DYNC2H1: variants seen among roughly 807,000 people sequenced by gnomAD.
DYNC2H1 encodes dynein cytoplasmic 2 heavy chain 1, also known as cytoplasmic dynein 2 heavy chain 1.
DYNC2H1 carries 410 observed loss-of-function variants against 570.0 expected under a neutral mutation model. That is an observed-to-expected ratio of 0.72 (90% CI 0.66 to 0.78). DYNC2H1 has a LOEUF of 0.78. Among genes scored for constraint, DYNC2H1 ranks in the 30% least tolerant of loss-of-function variants. DYNC2H1 has a pLI of 0.00. For missense variants in DYNC2H1, 4,865 were observed against 5,046.4 expected (o/e 0.96, Z 1.09); for synonymous variants, 1,688 against 1,677.6 (o/e 1.01, Z -0.15).
At chr11:103,246,223 C>G (rs777299456) in intron 65 of DYNC2H1, among the ~76,000 whole-genome samples, 20 of 151,988 alleles carry the variant, frequency 1.3e-4, no homozygotes, top group Non-Finnish European at 2.6e-4. Context: ...AGTGACCTTG[C>G]TAGAATGGAG....
intron 13 of DYNC2H1, among the ~76,000 whole-genome samples, chr11:103,131,495 T>A (rs111484562): frequency 2.6e-5 from 4 of 152,192 alleles, no homozygotes; most frequent in African/African-American, 9.6e-5. Flanking sequence ...TTCACCGTGT[T>A]AGCCAGGATG....
intron 17 of DYNC2H1, among the ~76,000 whole-genome samples, chr11:103,136,531 C>A (rs1859563986): frequency 6.6e-6 from 1 of 152,044 alleles, no homozygotes; most frequent in South Asian, 2.1e-4. Context: ...CAATTTCATC[C>A]ATGTCCCTAC....
Position 103,220,029 on chromosome 11 carries a change from G to A in DYNC2H1, c.8946+1G>A. The A allele has an allele frequency of 7.1e-7, 1 of 1,404,518 alleles. No individual in the cohort carries two copies. The highest frequency in any genetic ancestry group is 1.5e-5 in the African/African-American group (1 of 65,324). The allele number at this position is 1,404,518 out of a possible 1,614,324, so 87.0% of individuals were successfully genotyped here. On this transcript the variant is annotated splice_donor_variant, in intron 56 of 88. Coordinates refer to ENST00000375735, the MANE Select transcript of DYNC2H1 (RefSeq NM_001377.3). LOFTEE classifies it high-confidence loss of function. ...TGATGATGAATTAAAAGAAGTACAAGTAAGTTAAAAAACATTCTAAGATCC... is the reference window on the plus strand; with the variant it reads ...TGATGATGAATTAAAAGAAGTACAAATAAGTTAAAAAACATTCTAAGATCC...
In DYNC2H1 at chr11:103,222,659, A is replaced by T. The variant is rs1357873171; in HGVS notation, c.9232-306A>T. ...TATAGAAGAAAAAGAATTGATGCTC[A>T]AACATTGTTGTGGATGACACATGTA... On this transcript the variant is annotated intron_variant, in intron 58 of 88. Coordinates refer to ENST00000375735, the MANE Select transcript of DYNC2H1 (RefSeq NM_001377.3). Among the ~76,000 whole-genome samples the T allele has an allele frequency of 2.6e-5, 4 of 152,200 alleles. No individual in the cohort carries two copies. In the East Asian group the frequency reaches 7.7e-4, roughly 29 times the overall value.
intron 84 of DYNC2H1, among the ~76,000 whole-genome samples, chr11:103,432,740 A>C (rs1283296510): frequency 6.6e-6 from 1 of 152,144 alleles, no homozygotes; most frequent in African/African-American, 2.4e-5. Flanking sequence ...AATATCAAAC[A>C]GCAAATTCTA....
intron 84 of DYNC2H1, among the ~76,000 whole-genome samples, chr11:103,411,454 G>A (rs957346374): frequency 2.6e-5 from 4 of 151,274 alleles, no homozygotes; most frequent in African/African-American, 9.7e-5. Flanking sequence ...AGGTACTCAT[G>A]ATTAAAATAT....
chr11:103,267,803 T>C (rs140220305), intron 70 of DYNC2H1, among the ~76,000 whole-genome samples: 2 of 152,096 alleles, frequency 1.3e-5, no homozygotes, highest in East Asian at 3.9e-4. Context: ...TTTATATTCA[T>C]AAGTACAAAT....
chr11:103,174,641 T>A, intron 36 of DYNC2H1, among the ~76,000 whole-genome samples: 1 of 152,138 alleles, frequency 6.6e-6, no homozygotes. Context: ...CATGTAGGAT[T>A]TTCTCTTTCT....
At chr11:103,411,301 G>A (rs765889005) in intron 84 of DYNC2H1, among the ~76,000 whole-genome samples, 104 of 152,114 alleles carry the variant, frequency 6.8e-4, no homozygotes, top group Admixed American at 1.8e-3. Flanking sequence ...ATAAGGTAGC[G>A]CTTTCAGAAG....
chr11:103,180,945 T>G (rs1861828447), intron 39 of DYNC2H1, among the ~76,000 whole-genome samples: 1 of 151,552 alleles, frequency 6.6e-6, no homozygotes, highest in Non-Finnish European at 1.5e-5. Context: ...TAATTTGCTA[T>G]GAAACAATGG....
Position 103,436,008 on chromosome 11 carries a change from T to G in DYNC2H1, c.12432T>G (p.Leu4144=), listed in dbSNP as rs1466221473. Residue 4144 remains leucine, a synonymous_variant, in exon 85 of 89, where the codon CTT becomes CTG. Transcript: ENST00000375735. ...ATCCCTTACAATACCTGAGAGGTCT[T>G]GTTGCCCGTGCCCTTGCAATACAGG... ...PEDPLQYLRG[L]VARALAIQNW... is the part of the protein sequence containing the mutation. The G allele has an allele frequency of 6.2e-7, 1 of 1,612,566 alleles. No homozygotes were observed. Among genetic ancestry groups the G allele is most frequent in the South Asian group, 1.1e-5 (1 of 91,028 alleles).
At chr11:103,225,071 G>A (rs891827823) in intron 59 of DYNC2H1, among the ~76,000 whole-genome samples, 4 of 152,038 alleles carry the variant, frequency 2.6e-5, no homozygotes, top group Admixed American at 1.3e-4. Context: ...GTCTATTCAT[G>A]TTCTTAGCCC....
intron 81 of DYNC2H1, among the ~76,000 whole-genome samples, chr11:103,323,414 C>T (rs1207424036): frequency 4.6e-5 from 7 of 152,006 alleles, no homozygotes; most frequent in Middle Eastern, 3.4e-3. Flanking sequence ...TGCTTCTACA[C>T]GTTTACAAGG....
chr11:103,272,808 G>A (rs1234134512), intron 70 of DYNC2H1, among the ~76,000 whole-genome samples: 1 of 151,824 alleles, frequency 6.6e-6, no homozygotes, highest in Non-Finnish European at 1.5e-5. Flanking sequence ...TGGGAGGTGT[G>A]GTTGACTTAA....
rs535649443 is a variant in DYNC2H1 at position 103,135,521 on chromosome 11, A to T, written c.2232A>T (p.Ala744=). The change falls in exon 16 of 89, where the codon GCA becomes GCT. Residue 744 remains alanine (A), a synonymous_variant. Coordinates refer to ENST00000375735, the MANE Select transcript of DYNC2H1 (RefSeq NM_001377.3). ...AQGFQASDMH[A]WKQHWNHQLY... ...GATTCCAAGCAAGTGACATGCATGC[A>T]TGGAAACAACACTGGAATCATCAAC... 1 of 1,581,938 alleles carries T rather than the reference A, an allele frequency of 6.3e-7. No homozygotes were observed. The highest frequency in any genetic ancestry group is 2.3e-5 in the East Asian group (1 of 44,426).
At chr11:103,411,876 CTA>C (rs1943103462) in intron 84 of DYNC2H1, among the ~76,000 whole-genome samples, 2 of 151,958 alleles carry the variant, frequency 1.3e-5, no homozygotes, top group Non-Finnish European at 2.9e-5. Flanking sequence ...GAAAATATCA[CTA>C]TTTTTGAAAT....
intron 83 of DYNC2H1, among the ~76,000 whole-genome samples, chr11:103,387,541 A>G (rs1941941471): frequency 6.6e-6 from 1 of 152,040 alleles, no homozygotes; most frequent in Non-Finnish European, 1.5e-5. Flanking sequence ...TTTTGTTGCC[A>G]TTGCTTTTGG....
chr11:103,274,140 A>G (rs1185614892), intron 70 of DYNC2H1, among the ~76,000 whole-genome samples: 2 of 151,728 alleles, frequency 1.3e-5, no homozygotes, highest in Non-Finnish European at 2.9e-5. Flanking sequence ...GTGTGTATAT[A>G]TATATATACA....
Position 103,109,777 on chromosome 11 carries a change from T to A in DYNC2H1, c.195+8T>A, listed in dbSNP as rs1375916079. 6.2e-7 allele frequency: 1 copy of A among 1,608,052 alleles called. No homozygotes were observed. The highest frequency in any genetic ancestry group is 8.5e-7 in the Non-Finnish European group (1 of 1,176,290). On this transcript the variant is annotated splice_region_variant and intron_variant, in intron 1 of 88. Transcript: ENST00000375735. ...ATCTCCTTTTCCAACACGGTACGGT[T>A]CCTTGCACTCCTGCCTGACCCCTGA...
Sources: gnomAD v4.1 joint callset for allele counts (sites outside exome capture counted in the v4.1 genomes callset) on GRCh38, gnomAD v4.1.1 for gene constraint, MANE v1.5 for transcripts, NCBI Gene and HGNC (gene_info 2026-07-23, HGNC 2026-07-21) for gene names.